Variants in RBM47 observed in about 807,000 individuals in gnomAD.
The protein encoded by RBM47 is RNA-binding protein 47.
Under a neutral mutation model 47.1 loss-of-function variants are expected in RBM47, and 21 were observed. The observed-to-expected ratio is 0.45, with a 90% CI of 0.32 to 0.64. RBM47 has a LOEUF of 0.64. Among genes scored for constraint, RBM47 ranks in the 30% least tolerant of loss-of-function variants. The pLI, the probability that RBM47 is intolerant of heterozygous loss-of-function variation, is 0.05. For missense variants in RBM47, 708 were observed against 870.9 expected, an observed-to-expected ratio of 0.81 and a Z score of 2.35; for synonymous variants, 375 against 361.7, an observed-to-expected ratio of 1.04 and a Z score of -0.42.
At chr4:40,592,813 C>T (rs915412726) in intron 1 of RBM47, among the ~76,000 whole-genome samples, 3 of 150,454 alleles carry the variant, frequency 2.0e-5, no homozygotes, top group Admixed American at 6.7e-5. Context: ...CCTGCCTTGG[C>T]CTCCCAGTGA....
At chr4:40,446,982 C>T (rs1317305592) in intron 3 of RBM47, among the ~76,000 whole-genome samples, 1 of 152,054 alleles carries the variant, frequency 6.6e-6, no homozygotes. Flanking sequence ...TGTGATTCTC[C>T]ACTGGTGATG....
intron 2 of RBM47, among the ~76,000 whole-genome samples, chr4:40,511,616 C>T (rs757226575): frequency 9.5e-4 from 145 of 152,226 alleles, no homozygotes; most frequent in Non-Finnish European, 1.8e-3. Flanking sequence ...ACAGGAGGAT[C>T]CAACGTAGCC....
At chr4:40,492,026 C>T (rs278984) in intron 2 of RBM47, 43,151 of 149,622 alleles carry the variant, frequency 0.29, 6,447 homozygotes, top group African/African-American at 0.35. Context: ...CAGCTTATCT[C>T]ACGAATTTCA....
chr4:40,501,253 G>A (rs17587144), intron 2 of RBM47, among the ~76,000 whole-genome samples: 5,205 of 152,252 alleles, frequency 0.034, 149 homozygotes, highest in East Asian at 0.17. Flanking sequence ...ACCTTATGGA[G>A]AAACATGAAG....
chr4:40,608,064 T>C (rs779285481), intron 1 of RBM47, among the ~76,000 whole-genome samples: 29 of 151,784 alleles, frequency 1.9e-4, no homozygotes, highest in Non-Finnish European at 3.8e-4. Context: ...ATCACACCAC[T>C]GCACTCCAGC....
chr4:40,599,994 C>T (rs1434989065), intron 1 of RBM47, among the ~76,000 whole-genome samples: 1 of 151,974 alleles, frequency 6.6e-6, no homozygotes, highest in Non-Finnish European at 1.5e-5. Flanking sequence ...GCCTTTCCCA[C>T]GCCAAAGGAG....
intron 1 of RBM47, among the ~76,000 whole-genome samples, chr4:40,602,376 G>A (rs1236764767): frequency 3.9e-5 from 6 of 152,216 alleles, no homozygotes; most frequent in East Asian, 3.9e-4. Flanking sequence ...TCGGCCGGGC[G>A]CGGTCGCTCA....
At chr4:40,601,487 C>T (rs560041364) in intron 1 of RBM47, among the ~76,000 whole-genome samples, 7 of 152,256 alleles carry the variant, frequency 4.6e-5, no homozygotes, top group African/African-American at 4.8e-5. Flanking sequence ...ACTACCTGAA[C>T]GCAACGGAAA....
intron 2 of RBM47, among the ~76,000 whole-genome samples, chr4:40,504,707 C>A (rs1166125034): frequency 6.6e-6 from 1 of 152,124 alleles, no homozygotes; most frequent in Admixed American, 6.6e-5. Context: ...TATGATAAGG[C>A]CTTGTTAATA....
At chr4:40,455,728 C>G (rs1716141708) in intron 3 of RBM47, 1 of 152,108 alleles carries the variant, frequency 6.6e-6, no homozygotes, top group African/African-American at 2.4e-5. Context: ...CCGGTCTGAG[C>G]AACAGAGGGT....
chr4:40,517,210 C>T (rs1489289573), intron 2 of RBM47, among the ~76,000 whole-genome samples: 2 of 151,828 alleles, frequency 1.3e-5, no homozygotes, highest in African/African-American at 2.4e-5. Flanking sequence ...TCTCAGCTCA[C>T]TGCAACCTCC....
chr4:40,584,464 A>G (rs1300689578), intron 1 of RBM47, among the ~76,000 whole-genome samples: 1 of 152,222 alleles, frequency 6.6e-6, no homozygotes, highest in Admixed American at 6.5e-5. Context: ...AACAGGTGAC[A>G]ATTTTAATAA....
chr4:40,469,813 T>G (rs951812339), intron 2 of RBM47, among the ~76,000 whole-genome samples: 1 of 152,144 alleles, frequency 6.6e-6, no homozygotes, highest in Non-Finnish European at 1.5e-5. Flanking sequence ...TTTTGTATTT[T>G]TAGTAGAGAT....
At chr4:40,443,523 G>A (rs1713998651) in intron 3 of RBM47, among the ~76,000 whole-genome samples, 1 of 151,744 alleles carries the variant, frequency 6.6e-6, no homozygotes, top group Non-Finnish European at 1.5e-5. Flanking sequence ...TTCGAGACCA[G>A]CCTGACCAAC....
intron 1 of RBM47, among the ~76,000 whole-genome samples, chr4:40,614,460 G>T (rs1736534769): frequency 6.6e-6 from 1 of 152,156 alleles, no homozygotes; most frequent in South Asian, 2.1e-4. Context: ...GGTGATATAA[G>T]CCAAGAACAG....
chr4:40,432,871 G>C lies in RBM47; in HGVS notation c.1331-9C>G. 1.2e-6 allele frequency: 2 copies of C among 1,613,308 alleles called. No homozygotes were observed. Among genetic ancestry groups the C allele is most frequent in the Non-Finnish European group, 1.7e-6 (2 of 1,179,768 alleles). ...AATGGCAGGGATGGCTACTGCAAGA[G>C]AAGCAAGAAGGAAAAACAGGTCAAT... On this transcript the variant is annotated splice_polypyrimidine_tract_variant and intron_variant, in intron 5 of 6. Coordinates refer to ENST00000295971, the MANE Select transcript of RBM47 (RefSeq NM_001098634.2).
intron 2 of RBM47, among the ~76,000 whole-genome samples, chr4:40,481,793 C>A (rs1577747413): frequency 6.6e-6 from 1 of 152,330 alleles, no homozygotes; most frequent in Non-Finnish European, 1.5e-5. Flanking sequence ...CTCAAGCGAT[C>A]CGCCCGCCTT....
At position 40,437,777 on chromosome 4, in the gene RBM47, C is replaced by T; in HGVS notation, c.1117G>A (p.Val373Met). The T allele has an allele frequency of 6.3e-7, 1 of 1,596,912 alleles. No homozygotes were observed. The highest frequency in any genetic ancestry group is 1.3e-5 in the African/African-American group (1 of 74,716). Residue 373 changes from valine (V) to methionine (M), a missense_variant, in exon 4 of 7, where the codon GTG (valine) becomes ATG (methionine). Physicochemically the swap from Val to Met is conservative, Grantham distance 21 (BLOSUM62 1). Transcript: ENST00000295971. Reference sequence around the variant, plus strand: ...GAGAAGAGCCCCCACTAACCTTTCACAAAGTAGTCCCTGTTGGGCCCAATG... The same window carrying T: ...GAGAAGAGCCCCCACTAACCTTTCATAAAGTAGTCCCTGTTGGGCCCAATG... ...ALIGPNRDYFVKAGSIRGRGR... is the reference protein window; with the variant it reads ...ALIGPNRDYFMKAGSIRGRGR...
chr4:40,435,695 C>T (rs1712222594), intron 5 of RBM47, among the ~76,000 whole-genome samples: 1 of 152,140 alleles, frequency 6.6e-6, no homozygotes, highest in South Asian at 2.1e-4. Flanking sequence ...TAAGCTCTAC[C>T]CTCCGACTTC....
Sources: gnomAD v4.1 joint callset for allele counts (sites outside exome capture counted in the v4.1 genomes callset) on GRCh38, gnomAD v4.1.1 for gene constraint, MANE v1.5 for transcripts, NCBI Gene and HGNC (gene_info 2026-07-23, HGNC 2026-07-21) for gene names.